HOOK3: variants seen among roughly 807,000 people sequenced by gnomAD.
HOOK3 encodes the protein protein Hook homolog 3.
In HOOK3, 24 loss-of-function variants were observed where a neutral mutation model predicts 116.3. That is an observed-to-expected ratio of 0.21 (90% confidence interval 0.15 to 0.29). HOOK3 has a LOEUF of 0.29. Ranked by LOEUF, HOOK3 falls within the 10% of genes least tolerant of loss-of-function variation. HOOK3 has a pLI of 1.00. For synonymous variants in HOOK3, 275 were observed against 283.0 expected (o/e 0.97, Z 0.28); for missense variants, 632 against 830.2 (o/e 0.76, Z 2.93).
intron 17 of HOOK3, 37 bp downstream of exon 17, chr8:43,002,178 G>A: frequency 6.6e-7 from 1 of 1,516,678 alleles, no homozygotes; most frequent in South Asian, 1.1e-5. Context: ...TTCTTCTATA[G>A]TGGAACACAT....
At chr8:42,946,883 C>T (rs1808240661) in intron 5 of HOOK3, among the ~76,000 whole-genome samples, 2 of 150,822 alleles carry the variant, frequency 1.3e-5, no homozygotes, top group Non-Finnish European at 1.5e-5. Context: ...ATTCTCCTGC[C>T]TCAGCCTCCT....
At chr8:42,946,783 T>G (rs1002733366) in intron 5 of HOOK3, among the ~76,000 whole-genome samples, 1 of 148,564 alleles carries the variant, frequency 6.7e-6, no homozygotes, top group South Asian at 2.1e-4. Context: ...TTTTTTTTTT[T>G]TCTGGGACAG....
intron 6 of HOOK3, among the ~76,000 whole-genome samples, chr8:42,952,384 C>T (rs1808359843): frequency 6.6e-6 from 1 of 152,174 alleles, no homozygotes; most frequent in African/African-American, 2.4e-5. Context: ...CCCATGGTAG[C>T]AATATGCAGA....
chr8:43,023,950 T>C lies in HOOK3; in HGVS notation c.*5452T>C, dbSNP rs1339322989. On this transcript the variant is annotated 3_prime_UTR_variant, in exon 22 of 22. Transcript: ENST00000307602. ...CTTGAAACAAAAATCTAAATTACTT[T>C]TAAAAATTCTCTTAACTCTGCATTT... 1 of 199,340 alleles carries C rather than the reference T, an allele frequency of 5.0e-6. No individual in the cohort carries two copies. Among genetic ancestry groups the C allele is most frequent in the Non-Finnish European group, 1.0e-5 (1 of 96,596 alleles). 12.3% of individuals were successfully genotyped at this position (199,340 alleles called of 1,614,324 possible).
In HOOK3 at chr8:43,002,099, A is replaced by T. The variant is rs1387628018; in HGVS notation, c.1621-8A>T. 2 of 1,559,592 alleles carry T rather than the reference A, an allele frequency of 1.3e-6. No individual in the cohort carries two copies. On this transcript the variant is annotated splice_polypyrimidine_tract_variant and splice_region_variant and intron_variant, in intron 16 of 21. Transcript: ENST00000307602. ...AGGTAATAAACTAATTTTGTTTTTC[A>T]TTTTTAGTCAGTCCTTCTAAAAAAG... is the stretch of plus-strand genomic sequence containing the variant.
intron 6 of HOOK3, among the ~76,000 whole-genome samples, chr8:42,955,574 A>G (rs929163504): frequency 2.0e-5 from 3 of 152,336 alleles, no homozygotes; most frequent in South Asian, 4.1e-4. Flanking sequence ...GGAGGGGGCA[A>G]TGGTAGACAA....
intron 8 of HOOK3, among the ~76,000 whole-genome samples, chr8:42,961,834 T>C (rs1808538977): frequency 6.6e-6 from 1 of 152,236 alleles, no homozygotes; most frequent in African/African-American, 2.4e-5. Context: ...TCACCCAGGC[T>C]AGAGTGCAGT....
chr8:42,917,508 G>C (rs977441305), intron 2 of HOOK3, among the ~76,000 whole-genome samples: 1 of 152,138 alleles, frequency 6.6e-6, no homozygotes, highest in African/African-American at 2.4e-5. Context: ...ATAAACTCTG[G>C]TATGGTTTAA....
At chr8:42,960,158 A>G (rs1194405518) in intron 8 of HOOK3, among the ~76,000 whole-genome samples, 1 of 152,230 alleles carries the variant, frequency 6.6e-6, no homozygotes, top group Admixed American at 6.5e-5. Context: ...TATCTTTAGT[A>G]ATATAAAATT....
intron 3 of HOOK3, among the ~76,000 whole-genome samples, chr8:42,926,655 T>C (rs1331581534): frequency 1.3e-5 from 2 of 152,338 alleles, no homozygotes; most frequent in Middle Eastern, 3.4e-3. Context: ...ATGTGTACCT[T>C]TTACCCAGTT....
At chr8:42,905,318 CT>C (rs1327706067) in intron 1 of HOOK3, among the ~76,000 whole-genome samples, 1 of 50,774 alleles carries the variant, frequency 2.0e-5, no homozygotes, top group Non-Finnish European at 3.8e-5. Context: ...TTTCCTGTTT[CT>C]TTTTTTGGGG....
intron 1 of HOOK3, among the ~76,000 whole-genome samples, chr8:42,901,866 GC>G (rs1481540572): frequency 1.3e-5 from 2 of 151,914 alleles, no homozygotes; most frequent in African/African-American, 4.8e-5. Context: ...GCACCACCAC[GC>G]CCGGCTAATT....
chr8:42,914,401 A>G (rs887519486), intron 2 of HOOK3, among the ~76,000 whole-genome samples: 2 of 152,170 alleles, frequency 1.3e-5, no homozygotes, highest in African/African-American at 4.8e-5. Context: ...ATTATGCCCT[A>G]TACCTTATAA....
In HOOK3 at chr8:43,029,367, C is replaced by G. The variant is rs988257865; in HGVS notation, c.*10869C>G. On this transcript the variant is annotated 3_prime_UTR_variant, in exon 22 of 22. Coordinates refer to ENST00000307602, the MANE Select transcript of HOOK3 (RefSeq NM_032410.4). ...GTTTCACCTTGTTGGCCAGGATGAT[C>G]TCGATCTCTTGATCTCGTGATCTGC... The G allele has an allele frequency of 5.9e-6, 1 of 168,328 alleles. No homozygotes were observed. Among genetic ancestry groups the G allele is most frequent in the Non-Finnish European group, 1.3e-5 (1 of 77,222 alleles). The allele number at this position is 168,328 out of a possible 1,614,324, so 10.4% of individuals were successfully genotyped here.
intron 16 of HOOK3, among the ~76,000 whole-genome samples, chr8:42,999,285 G>A (rs763241045): frequency 4.6e-5 from 7 of 152,218 alleles, no homozygotes; most frequent in Non-Finnish European, 7.3e-5. Context: ...TCAGAAGTGA[G>A]ATGCTAGCCC....
At chr8:42,946,573 A>G (rs1173497461) in intron 5 of HOOK3, among the ~76,000 whole-genome samples, 1 of 151,752 alleles carries the variant, frequency 6.6e-6, no homozygotes, top group East Asian at 1.9e-4. Flanking sequence ...TTTACCCCTT[A>G]TAGTGCAAAA....
At chr8:43,014,283 C>CA (rs1442156669) in intron 21 of HOOK3, among the ~76,000 whole-genome samples, 2,993 of 76,862 alleles carry the variant, frequency 0.039, 60 homozygotes, top group African/African-American at 0.076. Flanking sequence ...AAGACTGTCT[C>CA]AGAAAAAAAA....
intron 17 of HOOK3, among the ~76,000 whole-genome samples, chr8:43,005,223 T>A (rs1212819957): frequency 7.3e-6 from 1 of 136,414 alleles, no homozygotes; most frequent in Non-Finnish European, 1.6e-5. Flanking sequence ...AATTTTTTTT[T>A]TTTTTTTTTT....
intron 16 of HOOK3, chr8:43,001,185 G>C (rs982824791): frequency 2.0e-5 from 3 of 152,102 alleles, no homozygotes; most frequent in Middle Eastern, 3.4e-3. Context: ...TAGAGGACAT[G>C]TGGATCTACT....
Sources: gnomAD v4.1 joint callset for allele counts (sites outside exome capture counted in the v4.1 genomes callset) on GRCh38, gnomAD v4.1.1 for gene constraint, MANE v1.5 for transcripts, NCBI Gene and HGNC (gene_info 2026-07-23, HGNC 2026-07-21) for gene names.